The following PASD1 variants were observed in gnomAD, a reference collection of about 807,000 sequenced individuals.
PASD1 encodes the protein circadian clock protein PASD1.
PASD1 carries 13 observed loss-of-function variants against 58.8 expected under a neutral mutation model. The observed-to-expected ratio is 0.22, with a 90% CI of 0.14 to 0.35. The LOEUF is 0.35. Ranked by LOEUF, PASD1 falls within the 10% of genes least tolerant of loss-of-function variation. The pLI is 1.00. For synonymous variants in PASD1, 236 were observed against 216.7 expected, an observed-to-expected ratio of 1.09 and a Z score of -0.78; for missense variants, 734 against 568.3, an observed-to-expected ratio of 1.29 and a Z score of -2.96.
At chrX:151,580,558 G>A (rs192993431) in intron 1 of PASD1, among the ~76,000 whole-genome samples, 20 of 95,084 alleles carry the variant, frequency 2.1e-4, no homozygotes, top group African/African-American at 7.9e-4. Context: ...ATTTTGGATA[G>A]TGATTACACT....
chrX:151,586,144 C>G (rs1175953818), intron 1 of PASD1, among the ~76,000 whole-genome samples: 1 of 111,497 alleles, frequency 9.0e-6, no homozygotes, highest in Non-Finnish European at 1.9e-5. Context: ...CTTTCCTGGG[C>G]AAGAGTGAAT....
intron 9 of PASD1, among the ~76,000 whole-genome samples, chrX:151,653,895 T>A (rs1316557204): frequency 1.8e-5 from 1 of 55,591 alleles, no homozygotes; most frequent in Non-Finnish European, 3.2e-5. Flanking sequence ...TCTTTCTTTC[T>A]TTCTTTCTTT....
intron 9 of PASD1, among the ~76,000 whole-genome samples, chrX:151,654,539 AC>A: frequency 8.9e-6 from 1 of 112,313 alleles, no homozygotes; most frequent in African/African-American, 3.2e-5. Flanking sequence ...AAAGAGACTT[AC>A]AAGTGACTAG....
rs770873069 is a variant in PASD1, at chrX:151,646,555, CAT to C, written c.630-2059_630-2058del. The stretch of plus-strand genomic sequence containing the variant: ...ATTAACTTAAATTTTGATTTAGCCA[CAT>C]GTGTCTAGTGACTGCCATATTGGAC... On this transcript the variant is annotated intron_variant, in intron 8 of 15. Coordinates refer to ENST00000370357, the MANE Select transcript of PASD1 (RefSeq NM_173493.3). Among the ~76,000 whole-genome samples the C allele has an allele frequency of 3.0e-3, 339 of 112,450 alleles. 3 individuals are homozygous for C. Among genetic ancestry groups the C allele is most frequent in the Non-Finnish European group, 5.3e-3 (285 of 53,288 alleles).
At chrX:151,567,936 G>C (rs1229937658) in intron 1 of PASD1, among the ~76,000 whole-genome samples, 1 of 111,534 alleles carries the variant, frequency 9.0e-6, no homozygotes, top group African/African-American at 3.3e-5. Context: ...TGTTGTCCAG[G>C]CTGGTCTTGA....
intron 3 of PASD1, among the ~76,000 whole-genome samples, chrX:151,608,568 T>G (rs1045570897): frequency 8.9e-6 from 1 of 112,003 alleles, no homozygotes; most frequent in Admixed American, 9.5e-5. Flanking sequence ...TTTACTTTCC[T>G]GTTTAAAAAA....
rs1431062188 is a variant in PASD1 at position 151,611,648 on chromosome X, A to G, written c.118-16A>G. On this transcript the variant is annotated splice_polypyrimidine_tract_variant and intron_variant, in intron 3 of 15. Coordinates refer to ENST00000370357, the MANE Select transcript of PASD1 (RefSeq NM_173493.3). ...TGTTCCACTATTTAATTACATTATT[A>G]TTCTCTCGTCATTAGTTATTAGATG... 2 of 1,089,043 alleles carry G rather than the reference A, an allele frequency of 1.8e-6. No individual in the cohort carries two copies. 89.7% of individuals were successfully genotyped at this position (1,089,043 alleles called of 1,213,427 possible).
At chrX:151,583,535 T>C (rs767027795) in intron 1 of PASD1, among the ~76,000 whole-genome samples, 38 of 112,164 alleles carry the variant, frequency 3.4e-4, no homozygotes, top group Non-Finnish European at 6.6e-4. Context: ...GTGTGTGCTT[T>C]GGAAGAAGAA....
At chrX:151,588,576 G>C (rs1354895586) in intron 1 of PASD1, among the ~76,000 whole-genome samples, 1 of 111,335 alleles carries the variant, frequency 9.0e-6, no homozygotes, top group African/African-American at 3.3e-5. Context: ...AGACTGATCT[G>C]CAGAGCACAT....
At chrX:151,633,121 C>CT (rs960030563) in intron 8 of PASD1, among the ~76,000 whole-genome samples, 4 of 109,957 alleles carry the variant, frequency 3.6e-5, no homozygotes, top group African/African-American at 6.6e-5. Flanking sequence ...TAAGGTAGTT[C>CT]TTTTTTTTTC....
chrX:151,662,401 A>G (rs1248509749), intron 10 of PASD1, among the ~76,000 whole-genome samples: 1 of 108,725 alleles, frequency 9.2e-6, no homozygotes, highest in Non-Finnish European at 1.9e-5. Flanking sequence ...CCTTATTTCC[A>G]TTATTACATG....
chrX:151,661,175 T>C (rs1323911337), intron 10 of PASD1, among the ~76,000 whole-genome samples: 2 of 110,130 alleles, frequency 1.8e-5, no homozygotes, highest in Admixed American at 9.6e-5. Flanking sequence ...AAGAAAAATA[T>C]GCTAAAATGA....
intron 11 of PASD1, among the ~76,000 whole-genome samples, chrX:151,669,765 ATAAC>A (rs1422066415): frequency 2.7e-5 from 3 of 112,151 alleles, no homozygotes; most frequent in African/African-American, 9.7e-5. Flanking sequence ...TTCTGTATAT[ATAAC>A]ACATTTTCTT....
intron 9 of PASD1, among the ~76,000 whole-genome samples, chrX:151,653,747 C>CCTTCTTTCT (rs2014169358): frequency 2.5e-5 from 1 of 40,053 alleles, no homozygotes; most frequent in African/African-American, 7.1e-5. Flanking sequence ...TCTTTCTTTC[C>CCTTCTTTCT]TTCCTTCTTT....
chrX:151,620,317 C>T (rs367693282), intron 4 of PASD1, among the ~76,000 whole-genome samples: 2 of 111,055 alleles, frequency 1.8e-5, no homozygotes, highest in African/African-American at 3.3e-5. Flanking sequence ...AAATGGGATG[C>T]AGTGCACAGG....
Position 151,676,137 on chromosome X carries a change from G to T in PASD1, c.2316G>T (p.Pro772=). ...MPAEQRDSNK[P]C is the part of the protein sequence containing the mutation. ...CAGAGCAACGTGACTCAAATAAGCC[G>T]TGCTAACAGTACTTTCATGACCAGT... is the stretch of plus-strand genomic sequence containing the variant. Residue 772 remains proline, a synonymous_variant, in exon 16 of 16, where the codon CCG becomes CCT. Coordinates refer to ENST00000370357, the MANE Select transcript of PASD1 (RefSeq NM_173493.3). The T allele has an allele frequency of 8.3e-7, 1 of 1,207,577 alleles. No homozygotes were observed. Among genetic ancestry groups the T allele is most frequent in the Non-Finnish European group, 1.1e-6 (1 of 893,707 alleles).
At chrX:151,615,587 T>A (rs1308993208) in intron 4 of PASD1, among the ~76,000 whole-genome samples, 1 of 111,823 alleles carries the variant, frequency 8.9e-6, no homozygotes, top group African/African-American at 3.2e-5. Flanking sequence ...CAGGCTTTGA[T>A]TAAAAATTTC....
chrX:151,664,352 C>T lies in PASD1; in HGVS notation c.1071+4C>T, dbSNP rs750318361. 5.0e-6 allele frequency: 6 copies of T among 1,209,683 alleles called. No homozygotes were observed. The South Asian group carries it at 8.8e-5, about 18-fold the overall frequency. ...GGCTGCTGGCGCAAGTGCTCAGGTA[C>T]TCTGAAAGTCTCGCTTCACTCGCTT... On this transcript the variant is annotated splice_donor_region_variant and intron_variant, in intron 11 of 15. Transcript: ENST00000370357.
chrX:151,626,213 A>G (rs1357657423), intron 8 of PASD1, among the ~76,000 whole-genome samples: 3 of 111,952 alleles, frequency 2.7e-5, no homozygotes, highest in African/African-American at 9.7e-5. Context: ...ACACTTTTAA[A>G]TGGTAGAAGA....
Sources: allele counts gnomAD v4.1 joint callset (sites outside exome capture counted in the v4.1 genomes callset), GRCh38; gene constraint gnomAD v4.1.1; transcripts MANE v1.5; gene names NCBI Gene and HGNC (gene_info 2026-07-23, HGNC 2026-07-21).